The following VKORC1L1 variants were observed in gnomAD, a reference collection of about 807,000 sequenced individuals.
The protein encoded by VKORC1L1 is vitamin K epoxide reductase complex subunit 1L1.
A neutral mutation model predicts 18.9 loss-of-function variants in VKORC1L1; 2 were observed. That is an observed-to-expected ratio of 0.11 (90% CI 0.04 to 0.33). The LOEUF is 0.33. VKORC1L1 is among the 10% of genes least tolerant of loss of function. The pLI, the probability that VKORC1L1 is intolerant of heterozygous loss-of-function variation, is 1.00. For missense variants in VKORC1L1, 123 were observed against 224.1 expected (o/e 0.55, Z 2.88); for synonymous variants, 96 against 100.0 (o/e 0.96, Z 0.24).
chr7:65,901,091 A>C (rs1789307668), intron 1 of VKORC1L1, among the ~76,000 whole-genome samples: 1 of 152,234 alleles, frequency 6.6e-6, no homozygotes, highest in Non-Finnish European at 1.5e-5. Context: ...AAGAGATAGG[A>C]GAATTAAGAG....
intron 1 of VKORC1L1, among the ~76,000 whole-genome samples, chr7:65,940,965 G>C (rs1790023281): frequency 1.3e-5 from 2 of 152,124 alleles, no homozygotes; most frequent in African/African-American, 4.8e-5. Flanking sequence ...TGAGAGTGGG[G>C]ATTAAACTAT....
chr7:65,895,296 A>G lies in VKORC1L1; in HGVS notation c.194+21731A>G, dbSNP rs539916641. Among the ~76,000 whole-genome samples, 30 of 151,784 alleles carry G rather than the reference A, an allele frequency of 2.0e-4. 1 individual carries two copies. The South Asian group carries it at 6.3e-3, about 32-fold the overall frequency. On this transcript the variant is annotated intron_variant, in intron 1 of 2. Coordinates refer to ENST00000360768, the MANE Select transcript of VKORC1L1 (RefSeq NM_173517.6). The stretch of plus-strand genomic sequence containing the variant: ...AAGAAGCTATTTCAATTGGCATAAA[A>G]TAACTGTGCATCTTAAATTGAAAAT...
chr7:65,918,812 A>G (rs548990678), intron 1 of VKORC1L1, among the ~76,000 whole-genome samples: 15 of 152,324 alleles, frequency 9.8e-5, no homozygotes, highest in African/African-American at 3.1e-4. Flanking sequence ...CCAACAAAAC[A>G]GGCGGGACGC....
At chr7:65,951,183 A>G (rs10807697) in intron 2 of VKORC1L1, among the ~76,000 whole-genome samples, 77,043 of 152,078 alleles carry the variant, frequency 0.51, 20,657 homozygotes, top group East Asian at 0.81. Context: ...TAACCTAGCA[A>G]TTTCCAGAGC....
At chr7:65,895,648 A>G (rs1207948933) in intron 1 of VKORC1L1, among the ~76,000 whole-genome samples, 1 of 151,028 alleles carries the variant, frequency 6.6e-6, no homozygotes, top group Non-Finnish European at 1.5e-5. Context: ...CACAAAAATT[A>G]TGAAAATCTG....
intron 1 of VKORC1L1, among the ~76,000 whole-genome samples, chr7:65,928,254 C>CTTTTTTTTTTT (rs760146385): frequency 2.8e-5 from 3 of 106,226 alleles, no homozygotes; most frequent in Non-Finnish European, 4.0e-5. Flanking sequence ...TTTTTTCCTT[C>CTTTTTTTTTTT]TTTTTTTTTT....
chr7:65,875,058 T>C (rs1788803011), intron 1 of VKORC1L1, among the ~76,000 whole-genome samples: 1 of 152,210 alleles, frequency 6.6e-6, no homozygotes, highest in African/African-American at 2.4e-5. Flanking sequence ...TGTGTAGCTG[T>C]GGACATAAAA....
intron 1 of VKORC1L1, among the ~76,000 whole-genome samples, chr7:65,908,423 G>C (rs1314883507): frequency 6.6e-6 from 1 of 151,272 alleles, no homozygotes; most frequent in Non-Finnish European, 1.5e-5. Context: ...AAAAGAAGAA[G>C]AACAGAGATT....
At chr7:65,919,223 T>C (rs867365093) in intron 1 of VKORC1L1, among the ~76,000 whole-genome samples, 16 of 152,340 alleles carry the variant, frequency 1.1e-4, no homozygotes, top group Middle Eastern at 3.4e-3. Context: ...AATAGTCATA[T>C]GTTTATTAGT....
At chr7:65,876,176 T>A (rs1788824287) in intron 1 of VKORC1L1, among the ~76,000 whole-genome samples, 1 of 152,166 alleles carries the variant, frequency 6.6e-6, no homozygotes, top group African/African-American at 2.4e-5. Flanking sequence ...CACACCACTA[T>A]CTCCTGTCAC....
chr7:65,913,010 G>A (rs931347393), intron 1 of VKORC1L1, among the ~76,000 whole-genome samples: 1 of 152,106 alleles, frequency 6.6e-6, no homozygotes, highest in Admixed American at 6.6e-5. Flanking sequence ...GTGCCAATCT[G>A]TCTGCGTTAC....
intron 1 of VKORC1L1, among the ~76,000 whole-genome samples, chr7:65,941,359 T>C (rs1790029845): frequency 6.6e-6 from 1 of 152,112 alleles, no homozygotes; most frequent in Admixed American, 6.6e-5. Context: ...TAAGCAGTTC[T>C]CCCACCATGG....
chr7:65,886,993 G>A (rs1789026193), intron 1 of VKORC1L1, among the ~76,000 whole-genome samples: 1 of 151,388 alleles, frequency 6.6e-6, no homozygotes, highest in Non-Finnish European at 1.5e-5. Context: ...GGGATTACAG[G>A]CGCACGCCAC....
intron 1 of VKORC1L1, among the ~76,000 whole-genome samples, chr7:65,879,443 A>C (rs530564857): frequency 6.6e-6 from 1 of 152,220 alleles, no homozygotes; most frequent in Non-Finnish European, 1.5e-5. Flanking sequence ...AATGCTTACT[A>C]TGTGCTAGGC....
intron 1 of VKORC1L1, among the ~76,000 whole-genome samples, chr7:65,936,876 A>G (rs1419806942): frequency 1.3e-5 from 2 of 152,184 alleles, no homozygotes; most frequent in Non-Finnish European, 2.9e-5. Flanking sequence ...TGAGGCAGTG[A>G]AAGAAAAGAG....
intron 1 of VKORC1L1, among the ~76,000 whole-genome samples, chr7:65,915,093 C>CTTTTTTTTTTTTT (rs35662337): frequency 8.1e-6 from 1 of 123,568 alleles, no homozygotes; most frequent in African/African-American, 2.9e-5. Flanking sequence ...TTTTTTTTTT[C>CTTTTTTTTTTTTT]TTTTTTTTTT....
chr7:65,895,504 T>C (rs1407649470), intron 1 of VKORC1L1, among the ~76,000 whole-genome samples: 7 of 92,256 alleles, frequency 7.6e-5, no homozygotes, highest in South Asian at 4.4e-4. Flanking sequence ...TATATATATA[T>C]ATATATATAT....
chr7:65,886,436 A>C (rs1199238330), intron 1 of VKORC1L1, among the ~76,000 whole-genome samples: 1 of 152,208 alleles, frequency 6.6e-6, no homozygotes, highest in Non-Finnish European at 1.5e-5. Context: ...TTTTTCAAAA[A>C]ACCTCTTTGA....
intron 1 of VKORC1L1, among the ~76,000 whole-genome samples, chr7:65,901,518 A>G (rs1047303637): frequency 3.3e-5 from 5 of 152,242 alleles, no homozygotes; most frequent in African/African-American, 1.2e-4. Context: ...CAGGCAAAGC[A>G]AGACTGTGGT....
Sources: allele counts gnomAD v4.1 joint callset (sites outside exome capture counted in the v4.1 genomes callset), GRCh38; gene constraint gnomAD v4.1.1; transcripts MANE v1.5; gene names NCBI Gene and HGNC (gene_info 2026-07-23, HGNC 2026-07-21).